FRS2: variants seen among roughly 807,000 people sequenced by gnomAD.
The protein encoded by FRS2 is fibroblast growth factor receptor substrate 2, also known as FGFR signalling adaptor.
Under a neutral mutation model 43.9 loss-of-function variants are expected in FRS2, and 8 were observed. The observed-to-expected ratio is 0.18, with a 90% CI of 0.11 to 0.33. The LOEUF (loss-of-function observed/expected upper bound fraction) is 0.33. FRS2 is among the 10% of genes least tolerant of loss of function. The probability of loss-of-function intolerance (pLI) is 1.00; values close to 1 mark genes in which losing one functional copy is unlikely to be tolerated. For missense variants in FRS2, 534 were observed against 627.6 expected, an observed-to-expected ratio of 0.85 and a Z score of 1.59; for synonymous variants, 219 against 220.3, an observed-to-expected ratio of 0.99 and a Z score of 0.05.
At chr12:69,497,088 A>G (rs140655381) in intron 1 of FRS2, among the ~76,000 whole-genome samples, 70 of 152,230 alleles carry the variant, frequency 4.6e-4, no homozygotes, top group East Asian at 3.9e-3. Context: ...TTTATTGACT[A>G]TTGGGCCCTG....
intron 3 of FRS2, among the ~76,000 whole-genome samples, chr12:69,540,643 A>T (rs570426291): frequency 6.6e-6 from 1 of 152,326 alleles, no homozygotes; most frequent in South Asian, 2.1e-4. Context: ...CACTTTCCTC[A>T]TGGTGAAACA....
intron 1 of FRS2, among the ~76,000 whole-genome samples, chr12:69,496,285 A>C (rs1383107103): frequency 6.6e-6 from 1 of 152,086 alleles, no homozygotes; most frequent in African/African-American, 2.4e-5. Flanking sequence ...AAATACAAAA[A>C]AATTAGCCGG....
intron 1 of FRS2, among the ~76,000 whole-genome samples, chr12:69,508,148 T>C (rs1280080640): frequency 6.6e-6 from 1 of 152,064 alleles, no homozygotes; most frequent in Non-Finnish European, 1.5e-5. Flanking sequence ...TTCTGTGAGG[T>C]AGCCTTTCAG....
chr12:69,555,736 G>T (rs1254080641), intron 3 of FRS2, among the ~76,000 whole-genome samples: 1 of 152,182 alleles, frequency 6.6e-6, no homozygotes, highest in African/African-American at 2.4e-5. Context: ...CCAATACCCA[G>T]ATACACCAAG....
chr12:69,498,838 C>T (rs1378276142), intron 1 of FRS2, among the ~76,000 whole-genome samples: 2 of 152,072 alleles, frequency 1.3e-5, no homozygotes, highest in Non-Finnish European at 2.9e-5. Flanking sequence ...CAGCCTTGAG[C>T]TGAGATTGTG....
chr12:69,478,722 TTATGTGTG>T (rs1871075622), intron 1 of FRS2, among the ~76,000 whole-genome samples: 1 of 99,908 alleles, frequency 1.0e-5, no homozygotes, highest in African/African-American at 4.4e-5. Context: ...ACATACATCA[TTATGTGTG>T]TGTGTGTGTG....
chr12:69,473,622 A>G (rs1457007801), intron 1 of FRS2, among the ~76,000 whole-genome samples: 1 of 152,168 alleles, frequency 6.6e-6, no homozygotes, highest in Non-Finnish European at 1.5e-5. Context: ...CATTTGGGGA[A>G]AAAAAGTTCG....
intron 1 of FRS2, among the ~76,000 whole-genome samples, chr12:69,481,647 C>G (rs2120746567): frequency 6.6e-6 from 1 of 152,256 alleles, no homozygotes; most frequent in East Asian, 1.9e-4. Flanking sequence ...GTAATTTGAT[C>G]ACATATTTTA....
chr12:69,505,396 A>G (rs774864297), intron 1 of FRS2, among the ~76,000 whole-genome samples: 4 of 152,242 alleles, frequency 2.6e-5, no homozygotes, highest in Non-Finnish European at 4.4e-5. Context: ...AAGGATATAC[A>G]TAATAAGAAT....
chr12:69,496,213 G>T (rs2121013879), intron 1 of FRS2, among the ~76,000 whole-genome samples: 1 of 152,212 alleles, frequency 6.6e-6, no homozygotes, highest in African/African-American at 2.4e-5. Flanking sequence ...GAGGCGGGCG[G>T]ATCATGAGGT....
chr12:69,490,431 G>GTT (rs5798936), intron 1 of FRS2, among the ~76,000 whole-genome samples: 1 of 133,344 alleles, frequency 7.5e-6, no homozygotes, highest in Non-Finnish European at 1.6e-5. Flanking sequence ...AAATGTGTGG[G>GTT]TTTTTTTTTT....
intron 1 of FRS2, among the ~76,000 whole-genome samples, chr12:69,521,905 C>T (rs151060497): frequency 4.6e-5 from 7 of 152,140 alleles, no homozygotes; most frequent in South Asian, 4.1e-4. Context: ...TGAGCCACCG[C>T]GCCCAGCCTT....
chr12:69,513,344 A>G (rs761131513), intron 1 of FRS2, among the ~76,000 whole-genome samples: 3 of 151,868 alleles, frequency 2.0e-5, no homozygotes, highest in Non-Finnish European at 4.4e-5. Flanking sequence ...TATATATTTT[A>G]TTCATTAAAA....
At chr12:69,545,303 A>G (rs2073390061) in intron 3 of FRS2, among the ~76,000 whole-genome samples, 1 of 152,212 alleles carries the variant, frequency 6.6e-6, no homozygotes, top group South Asian at 2.1e-4. Context: ...CATATGGAAT[A>G]TCAAGGGACT....
chr12:69,559,414 T>A (rs1340324068), intron 3 of FRS2, among the ~76,000 whole-genome samples: 1 of 151,970 alleles, frequency 6.6e-6, no homozygotes, highest in Non-Finnish European at 1.5e-5. Flanking sequence ...GAGTGGAGGG[T>A]TATGAATTAT....
At chr12:69,528,108 C>A (rs1049820913) in intron 1 of FRS2, among the ~76,000 whole-genome samples, 4 of 152,180 alleles carry the variant, frequency 2.6e-5, no homozygotes, top group Admixed American at 6.5e-5. Flanking sequence ...TAAATGTGAT[C>A]ACTGAGTCAG....
intron 1 of FRS2, among the ~76,000 whole-genome samples, chr12:69,523,978 AGTGTGGAC>A (rs1249262780): frequency 3.9e-5 from 6 of 152,326 alleles, no homozygotes; most frequent in African/African-American, 1.4e-4. Context: ...CAGCAGTGGC[AGTGTGGAC>A]GTGTGTGGAC....
At chr12:69,519,640 T>C (rs952764586) in intron 1 of FRS2, among the ~76,000 whole-genome samples, 1 of 152,204 alleles carries the variant, frequency 6.6e-6, no homozygotes, top group African/African-American at 2.4e-5. Flanking sequence ...CTCTCACTTA[T>C]AAGCGAGAAC....
At chr12:69,569,169 C>A in intron 5 of FRS2, 73 bp downstream of exon 5, 2 of 833,446 alleles carry the variant, frequency 2.4e-6, no homozygotes, top group Admixed American at 2.2e-5. Context: ...CTTAACATAT[C>A]TTATTTCTGG....
Sources: allele counts gnomAD v4.1 joint callset (sites outside exome capture counted in the v4.1 genomes callset), GRCh38; gene constraint gnomAD v4.1.1; transcripts MANE v1.5; gene names NCBI Gene and HGNC (gene_info 2026-07-23, HGNC 2026-07-21).